Variants in SGCD observed in about 807,000 individuals in gnomAD.
The protein encoded by SGCD is sarcoglycan delta.
SGCD carries 18 observed loss-of-function variants against 36.6 expected under a neutral mutation model. That is an observed-to-expected ratio of 0.49 (90% confidence interval 0.34 to 0.73). SGCD has a LOEUF of 0.73. Among genes scored for constraint, SGCD ranks in the 30% least tolerant of loss-of-function variants. The pLI is 0.01. For missense variants in SGCD, 387 were observed against 346.7 expected, an observed-to-expected ratio of 1.12 and a Z score of -0.92; for synonymous variants, 133 against 130.6, an observed-to-expected ratio of 1.02 and a Z score of -0.12.
chr5:156,046,865 A>G (rs1384473125), intron 1 of SGCD, among the ~76,000 whole-genome samples: 1 of 152,170 alleles, frequency 6.6e-6, no homozygotes, highest in African/African-American at 2.4e-5. Context: ...CAAGGAAGGC[A>G]TGTCTAAAGC....
chr5:156,019,260 T>G (rs1298504539), intron 1 of SGCD, among the ~76,000 whole-genome samples: 1 of 152,232 alleles, frequency 6.6e-6, no homozygotes, highest in African/African-American at 2.4e-5. Flanking sequence ...AAATGATAGC[T>G]AGGGAGCAGT....
At chr5:156,529,423 C>CAA (rs397884521) in intron 4 of SGCD, among the ~76,000 whole-genome samples, 1,596 of 58,818 alleles carry the variant, frequency 0.027, 35 homozygotes, top group African/African-American at 0.058. Flanking sequence ...GACTCTGTCT[C>CAA]AAAAAAAAAA....
intron 4 of SGCD, among the ~76,000 whole-genome samples, chr5:156,522,384 C>T: frequency 6.6e-6 from 1 of 151,984 alleles, no homozygotes; most frequent in East Asian, 1.9e-4. Context: ...TACATATACA[C>T]CATGAAGTAC....
At chr5:156,077,106 A>G (rs1760806599) in intron 1 of SGCD, among the ~76,000 whole-genome samples, 1 of 152,148 alleles carries the variant, frequency 6.6e-6, no homozygotes, top group African/African-American at 2.4e-5. Context: ...CTGGATCGTC[A>G]CGTGACTGAA....
intron 7 of SGCD, among the ~76,000 whole-genome samples, chr5:156,688,905 G>A (rs1754009137): frequency 6.6e-6 from 1 of 152,190 alleles, no homozygotes; most frequent in Non-Finnish European, 1.5e-5. Flanking sequence ...TTATGCACAT[G>A]GTGCTTCAAA....
At chr5:156,349,615 G>T (rs1769131822) in intron 3 of SGCD, among the ~76,000 whole-genome samples, 2 of 152,110 alleles carry the variant, frequency 1.3e-5, no homozygotes, top group Admixed American at 6.6e-5. Context: ...TGGATGTGGT[G>T]AAGAAGGAAT....
At chr5:156,087,098 C>T (rs1761117726) in intron 1 of SGCD, among the ~76,000 whole-genome samples, 2 of 152,330 alleles carry the variant, frequency 1.3e-5, no homozygotes. Context: ...GTAGGATCCA[C>T]AGCAAAGAAG....
chr5:156,032,193 C>G (rs915439613), intron 1 of SGCD, among the ~76,000 whole-genome samples: 1 of 151,282 alleles, frequency 6.6e-6, no homozygotes, highest in Non-Finnish European at 1.5e-5. Context: ...AATAAACATA[C>G]TTCTACAATA....
At chr5:156,740,388 C>A (rs1051187538) in intron 7 of SGCD, among the ~76,000 whole-genome samples, 2 of 152,132 alleles carry the variant, frequency 1.3e-5, no homozygotes, top group African/African-American at 2.4e-5. Context: ...AACTTCAGGT[C>A]AATGAAGAAA....
At chr5:155,801,810 C>G in the SGCD span, among the ~76,000 whole-genome samples, 2 of 152,194 alleles carry the variant, frequency 1.3e-5, no homozygotes, top group African/African-American at 4.8e-5. Context: ...AGTACTGACT[C>G]ACATTAATCA....
intron 3 of SGCD, among the ~76,000 whole-genome samples, chr5:156,201,936 A>G (rs1476467391): frequency 1.3e-5 from 2 of 152,144 alleles, no homozygotes; most frequent in African/African-American, 4.8e-5. Context: ...GCCACAGGAG[A>G]GCAGCCATCT....
intron 3 of SGCD, among the ~76,000 whole-genome samples, chr5:156,279,851 C>T (rs1766406130): frequency 6.6e-6 from 1 of 151,978 alleles, no homozygotes; most frequent in Non-Finnish European, 1.5e-5. Context: ...AAAATTCAGG[C>T]AAAATAATGG....
chr5:156,298,889 T>C (rs1030669634), intron 3 of SGCD, among the ~76,000 whole-genome samples: 14 of 152,322 alleles, frequency 9.2e-5, no homozygotes, highest in African/African-American at 3.4e-4. Flanking sequence ...CTTTCATTGT[T>C]TGAGTTGCCT....
rs192081979 is a variant in SGCD at position 156,524,954 on chromosome 5, A to G, written c.294+16252A>G. On this transcript the variant is annotated intron_variant, in intron 4 of 8. Transcript: ENST00000337851. ...TAGTATTCCATTGTGTATATATACC[A>G]TATTTTCTTTGCTCATTCATCTGTC... is the stretch of plus-strand genomic sequence containing the variant. Among the ~76,000 whole-genome samples, 230 of 152,212 alleles carry G rather than the reference A, an allele frequency of 1.5e-3. 2 individuals carry two copies. The highest frequency in any genetic ancestry group is 5.4e-3 in the African/African-American group (223 of 41,556).
intron 7 of SGCD, among the ~76,000 whole-genome samples, chr5:156,728,223 T>C (rs1334573515): frequency 6.6e-6 from 1 of 152,174 alleles, no homozygotes; most frequent in Non-Finnish European, 1.5e-5. Flanking sequence ...TGATAGATTT[T>C]CCTTTGCTCA....
At chr5:155,920,168 A>T (rs1447438524) in intron 1 of SGCD, among the ~76,000 whole-genome samples, 1 of 152,202 alleles carries the variant, frequency 6.6e-6, no homozygotes, top group Non-Finnish European at 1.5e-5. Flanking sequence ...CCTGGTTGGG[A>T]CACACTGCAA....
At chr5:156,035,151 C>T (rs1759455428) in intron 1 of SGCD, among the ~76,000 whole-genome samples, 1 of 152,128 alleles carries the variant, frequency 6.6e-6, no homozygotes, top group African/African-American at 2.4e-5. Context: ...TTAAAGTTTT[C>T]CTCGGTGAGT....
At chr5:156,439,593 C>T (rs1274715910) in intron 3 of SGCD, among the ~76,000 whole-genome samples, 1 of 151,986 alleles carries the variant, frequency 6.6e-6, no homozygotes, top group African/African-American at 2.4e-5. Flanking sequence ...TACTGCATAG[C>T]TATTTAGGTA....
chr5:156,484,168 A>AGAAAAGG (rs1755560506), intron 3 of SGCD, among the ~76,000 whole-genome samples: 1 of 152,262 alleles, frequency 6.6e-6, no homozygotes, highest in African/African-American at 2.4e-5. Context: ...TTGTCATTAA[A>AGAAAAGG]GAAAAGGGAA....
Sources: allele counts gnomAD v4.1 joint callset (sites outside exome capture counted in the v4.1 genomes callset), GRCh38; gene constraint gnomAD v4.1.1; transcripts MANE v1.5; gene names NCBI Gene and HGNC (gene_info 2026-07-23, HGNC 2026-07-21).